Variants in PRRG1 observed in about 807,000 individuals in gnomAD.
PRRG1 encodes the protein transmembrane gamma-carboxyglutamic acid protein 1.
In PRRG1, 5 loss-of-function variants were observed where a neutral mutation model predicts 11.8. The ratio of observed to expected loss-of-function variants is 0.42; its 90% confidence interval spans 0.22 to 0.89. The LOEUF is 0.89. PRRG1 is among the 40% of genes least tolerant of loss of function. The probability of loss-of-function intolerance (pLI) is 0.28; values close to 1 mark genes in which losing one functional copy is unlikely to be tolerated. For missense variants in PRRG1, 155 were observed against 166.1 expected, an observed-to-expected ratio of 0.93 and a Z score of 0.37; for synonymous variants, 66 against 60.4, an observed-to-expected ratio of 1.09 and a Z score of -0.43.
chrX:37,452,963 G>T, intron 3 of PRRG1, among the ~76,000 whole-genome samples, 173 bp from the exon 4 acceptor site: 1 of 112,066 alleles, frequency 8.9e-6, no homozygotes, highest in Non-Finnish European at 1.9e-5. Flanking sequence ...GCACAGTTAT[G>T]TATTTGTAAT....
intron 3 of PRRG1, among the ~76,000 whole-genome samples, chrX:37,432,254 A>AT (rs1348700451): frequency 9.1e-6 from 1 of 109,607 alleles, no homozygotes; most frequent in African/African-American, 3.4e-5. Context: ...CGCCCGGCTA[A>AT]TTTTTTGTAT....
chrX:37,415,114 A>C (rs1932454415), intron 2 of PRRG1, among the ~76,000 whole-genome samples: 1 of 112,447 alleles, frequency 8.9e-6, no homozygotes. Flanking sequence ...TGAATTAATT[A>C]AAAATGTGTC....
At chrX:37,434,986 G>A (rs782748203) in intron 3 of PRRG1, among the ~76,000 whole-genome samples, 27 of 111,909 alleles carry the variant, frequency 2.4e-4, no homozygotes, top group African/African-American at 8.1e-4. Context: ...GCGTGCATAG[G>A]AACAGTCTGG....
chrX:37,430,552 C>A (rs184450866), intron 3 of PRRG1, among the ~76,000 whole-genome samples: 1 of 111,425 alleles, frequency 9.0e-6, no homozygotes, highest in Non-Finnish European at 1.9e-5. Context: ...ACAATGGTTT[C>A]GGAATTGTAA....
At chrX:37,443,487 A>C (rs1933022900) in intron 3 of PRRG1, among the ~76,000 whole-genome samples, 1 of 111,910 alleles carries the variant, frequency 8.9e-6, no homozygotes, top group Non-Finnish European at 1.9e-5. Context: ...CACCAGAAAA[A>C]GTGTAAGAGA....
At chrX:37,373,271 A>G (rs781983569) in intron 1 of PRRG1, among the ~76,000 whole-genome samples, 8 of 111,650 alleles carry the variant, frequency 7.2e-5, no homozygotes, top group Admixed American at 5.7e-4. Flanking sequence ...TGCTTTGGCT[A>G]TTGGGGGTCT....
At chrX:37,384,939 A>T (rs183784686) in intron 1 of PRRG1, among the ~76,000 whole-genome samples, 21 of 111,745 alleles carry the variant, frequency 1.9e-4, no homozygotes, top group African/African-American at 6.8e-4. Context: ...CTACTTCTAC[A>T]CCCAACAGAA....
intron 1 of PRRG1, among the ~76,000 whole-genome samples, chrX:37,352,931 T>C (rs1195025681): frequency 4.5e-5 from 5 of 112,119 alleles, no homozygotes; most frequent in African/African-American, 1.6e-4. Context: ...GTGCAATGCA[T>C]TACAGTATAT....
Position 37,425,990 on chromosome X carries a change from A to G in PRRG1, c.161A>G (p.Asn54Ser). 2.5e-6 allele frequency: 3 copies of G among 1,180,426 alleles called. No homozygotes were observed. Among genetic ancestry groups the G allele is most frequent in the Non-Finnish European group, 3.4e-6 (3 of 883,027 alleles). Residue 54 changes from asparagine to serine, a missense_variant, in exon 3 of 4, where the codon AAT (asparagine) becomes AGT (serine). Asn to Ser is a conservative substitution (Grantham distance 46, BLOSUM62 1). Coordinates refer to ENST00000378628, the MANE Select transcript of PRRG1 (RefSeq NM_001142395.2). ...GAAGCAAGAGAAGCTTTTGAAAATA[A>G]TGAAAAAACTGTAAGTATGTTGGCA... The part of the protein sequence containing the change: ...FEEAREAFEN[N>S]EKTKEFWSTY...
intron 1 of PRRG1, among the ~76,000 whole-genome samples, chrX:37,395,257 C>T (rs1223909346): frequency 8.9e-6 from 1 of 111,849 alleles, no homozygotes; most frequent in Non-Finnish European, 1.9e-5. Flanking sequence ...TGTTGGAACT[C>T]TTTGTTGAGA....
At chrX:37,442,038 C>G (rs1932990807) in intron 3 of PRRG1, 7 of 771,254 alleles carry the variant, frequency 9.1e-6, no homozygotes, top group Non-Finnish European at 1.1e-5. Context: ...ACCTGTTTGA[C>G]AAGCTCACCC....
At chrX:37,369,921 C>T (rs1930711008) in intron 1 of PRRG1, among the ~76,000 whole-genome samples, 1 of 110,806 alleles carries the variant, frequency 9.0e-6, no homozygotes, top group African/African-American at 3.3e-5. Context: ...TGAGGCCTCC[C>T]AACCATGTGG....
intron 2 of PRRG1, among the ~76,000 whole-genome samples, chrX:37,408,779 C>T (rs1932269307): frequency 9.0e-6 from 1 of 111,695 alleles, no homozygotes; most frequent in African/African-American, 3.3e-5. Flanking sequence ...TCACCCAATC[C>T]CAAAAGCTTC....
intron 1 of PRRG1, among the ~76,000 whole-genome samples, chrX:37,374,544 G>A (rs1930876702): frequency 9.0e-6 from 1 of 111,091 alleles, no homozygotes; most frequent in Non-Finnish European, 1.9e-5. Context: ...GCTTATGTAT[G>A]ACTGTTCGAT....
chrX:37,394,119 A>G (rs1931638073), intron 1 of PRRG1, among the ~76,000 whole-genome samples: 1 of 112,485 alleles, frequency 8.9e-6, no homozygotes, highest in African/African-American at 3.2e-5. Flanking sequence ...CCTATCTCAT[A>G]GAGTTGTTGC....
intron 3 of PRRG1, among the ~76,000 whole-genome samples, chrX:37,450,992 T>TTTTG (rs1921108585): frequency 2.8e-4 from 30 of 106,540 alleles, no homozygotes; most frequent in African/African-American, 9.5e-4. Context: ...ATTTTTGCTG[T>TTTTG]TTTTGTTTTG....
At position 37,429,769 on chromosome X, in the gene PRRG1, C is replaced by T. The variant is rs781971693; in HGVS notation, c.171+3769C>T. ...ACTGGTACCAATTTATTGTATTAGT[C>T]GTTTTTACACTGCTGACATACCTGA... On this transcript the variant is annotated intron_variant, in intron 3 of 3. Transcript: ENST00000378628. Among the ~76,000 whole-genome samples the T allele has an allele frequency of 4.5e-5, 5 of 111,680 alleles. No homozygotes were observed. The East Asian group carries it at 1.4e-3, about 31-fold the overall frequency.
At chrX:37,448,791 G>A (rs1026815781) in intron 3 of PRRG1, among the ~76,000 whole-genome samples, 28 of 111,215 alleles carry the variant, frequency 2.5e-4, no homozygotes, top group African/African-American at 7.9e-4. Flanking sequence ...AATACAAAAC[G>A]TATCTTTTAA....
At chrX:37,381,232 G>A (rs1388024347) in intron 1 of PRRG1, among the ~76,000 whole-genome samples, 1 of 111,703 alleles carries the variant, frequency 9.0e-6, no homozygotes, top group Non-Finnish European at 1.9e-5. Flanking sequence ...TTGTGTCTAA[G>A]TTGTTTTAAG....
Sources: allele counts gnomAD v4.1 joint callset (sites outside exome capture counted in the v4.1 genomes callset), GRCh38; gene constraint gnomAD v4.1.1; transcripts MANE v1.5; gene names NCBI Gene and HGNC (gene_info 2026-07-23, HGNC 2026-07-21).